Variants in KCNMA1 observed in about 807,000 individuals in gnomAD.
KCNMA1 encodes potassium calcium-activated channel subfamily M alpha 1.
A neutral mutation model predicts 140.0 loss-of-function variants in KCNMA1; 29 were observed. The observed-to-expected ratio is 0.21, with a 90% CI of 0.15 to 0.28. The LOEUF is 0.28. Ranked by LOEUF, KCNMA1 falls within the 10% of genes least tolerant of loss-of-function variation. KCNMA1 has a pLI of 1.00. For missense variants in KCNMA1, 880 were observed against 1,602.2 expected (o/e 0.55, Z 7.70); for synonymous variants, 612 against 611.9 (o/e 1.00, Z 0.00).
At chr10:77,106,415 C>T (rs10824490) in intron 9 of KCNMA1, among the ~76,000 whole-genome samples, 22,779 of 151,972 alleles carry the variant, frequency 0.15, 1,778 homozygotes, top group Middle Eastern at 0.19. Context: ...ATGACCGGAT[C>T]GGACTGGGGG....
At chr10:77,005,286 G>A (rs964015369) in intron 18 of KCNMA1, among the ~76,000 whole-genome samples, 1 of 152,198 alleles carries the variant, frequency 6.6e-6, no homozygotes, top group African/African-American at 2.4e-5. Flanking sequence ...CAGATGATTA[G>A]GGGTAGGGGC....
At chr10:76,891,787 T>C in intron 25 of KCNMA1, 68 bp from the exon 26 acceptor site, 1 of 1,322,394 alleles carries the variant, frequency 7.6e-7, no homozygotes, top group Non-Finnish European at 1.1e-6. Flanking sequence ...ACAGCCGACA[T>C]CCAAATTACA....
rs988230623 is a variant in KCNMA1, at chr10:77,637,539, C to T, written c.104G>A (p.Ser35Asn). 1 of 1,550,772 alleles carries T rather than the reference C, an allele frequency of 6.4e-7. No individual in the cohort carries two copies. The highest frequency in any genetic ancestry group is 2.4e-5 in the East Asian group (1 of 41,576). ...GGAGGAGGAGGAGGACGCGTCTAGG[C>T]TGAGATGGTTCGCGTGGATATTGCT... is the stretch of plus-strand genomic sequence containing the variant. ...MSSNIHANHL[S>N]LDASSSSSSS... is the part of the protein sequence containing the mutation. The change falls in exon 1 of 28, where the codon AGC becomes AAC. Residue 35 changes from serine (S) to asparagine (N), a missense_variant. This residue lies in a region of KCNMA1 where 94 missense variants were observed against 92.4 expected (regional missense o/e 1.02). Transcript: ENST00000286628.
chr10:77,399,293 G>A (rs1418857174), intron 2 of KCNMA1, among the ~76,000 whole-genome samples: 4 of 152,070 alleles, frequency 2.6e-5, no homozygotes, highest in African/African-American at 2.4e-5. Flanking sequence ...AAATCCTGAC[G>A]ACATTGACTG....
chr10:77,067,951 T>G (rs1160506665), intron 14 of KCNMA1, among the ~76,000 whole-genome samples: 1 of 152,196 alleles, frequency 6.6e-6, no homozygotes, highest in Admixed American at 6.5e-5. Context: ...TCACATAGAA[T>G]GAACTATAGA....
rs575024824 is a variant in KCNMA1 at position 76,877,761 on chromosome 10, C to T, written c.3557G>A (p.Arg1186Lys). Reference sequence around the variant, plus strand: ...GAGTCAACATTCATCTTCAACTTCTCTGATTGGTGGAATCAAGCTGCTTGT... The same window carrying T: ...GAGTCAACATTCATCTTCAACTTCTTTGATTGGTGGAATCAAGCTGCTTGT... The change falls in exon 30 of 30, where the codon AGA (arginine) becomes AAA (lysine). Residue 1186 changes from arginine (R) to lysine (K), a missense_variant. By Grantham distance (26) the Arg-to-Lys change is conservative. Coordinates refer to the KCNMA1 transcript ENST00000372403. 3.2e-6 allele frequency: 5 copies of T among 1,558,486 alleles called. No individual in the cohort carries two copies. In the South Asian group the frequency reaches 4.7e-5, roughly 15 times the overall value.
chr10:77,185,027 C>A, intron 3 of KCNMA1, 111 bp from the exon 4 acceptor site: 1 of 769,760 alleles, frequency 1.3e-6, no homozygotes, highest in Non-Finnish European at 2.3e-6. Context: ...AATGAATATT[C>A]ATAAAAGAAA....
intron 1 of KCNMA1, among the ~76,000 whole-genome samples, chr10:77,607,081 G>C (rs1053253129): frequency 1.3e-5 from 2 of 152,206 alleles, no homozygotes; most frequent in Non-Finnish European, 2.9e-5. Context: ...TACTCACAAG[G>C]ATTTATCAGA....
Position 77,420,084 on chromosome 10 carries a change from G to A in KCNMA1, c.379-16061C>T, listed in dbSNP as rs115896475. On this transcript the variant is annotated intron_variant, in intron 1 of 27. Transcript: ENST00000286628. ...AAGGGCCTGAAGTGAATTGGGGTAC[G>A]CAGGGCCCTGGCCATCAGTGAAAGA... is the stretch of plus-strand genomic sequence containing the variant. Among the ~76,000 whole-genome samples, 261 of 152,346 alleles carry A rather than the reference G, an allele frequency of 1.7e-3. 1 individual carries two copies. Among genetic ancestry groups the A allele is most frequent in the African/African-American group, 5.8e-3 (240 of 41,588 alleles).
At chr10:77,486,543 C>A (rs1172254723) in intron 1 of KCNMA1, among the ~76,000 whole-genome samples, 1 of 152,218 alleles carries the variant, frequency 6.6e-6, no homozygotes, top group African/African-American at 2.4e-5. Flanking sequence ...TTCTTAACCT[C>A]TCTTGACCCT....
intron 2 of KCNMA1, among the ~76,000 whole-genome samples, chr10:77,382,899 T>C (rs1220991219): frequency 2.6e-5 from 3 of 117,098 alleles, no homozygotes; most frequent in Non-Finnish European, 5.3e-5. Context: ...TATATATATA[T>C]ATATACACAC....
intron 6 of KCNMA1, among the ~76,000 whole-genome samples, chr10:77,117,446 G>A (rs1016278053): frequency 2.7e-5 from 4 of 150,388 alleles, no homozygotes; most frequent in Non-Finnish European, 5.9e-5. Flanking sequence ...CTACTCGGGA[G>A]GCTGAGGCAG....
intron 1 of KCNMA1, among the ~76,000 whole-genome samples, chr10:77,563,390 G>A (rs1291877745): frequency 1.3e-5 from 2 of 152,138 alleles, no homozygotes; most frequent in Non-Finnish European, 2.9e-5. Flanking sequence ...CCTTCTGGGT[G>A]ATAAGGCAAC....
At chr10:76,951,437 C>T (rs1416068630) in intron 21 of KCNMA1, among the ~76,000 whole-genome samples, 1 of 152,214 alleles carries the variant, frequency 6.6e-6, no homozygotes, top group Admixed American at 6.5e-5. Context: ...CACTTAAACA[C>T]ACCCTAGTCC....
intron 25 of KCNMA1, among the ~76,000 whole-genome samples, chr10:76,905,370 T>C (rs764444551): frequency 1.8e-4 from 27 of 152,308 alleles, no homozygotes; most frequent in Middle Eastern, 3.4e-3. Flanking sequence ...CCAGAAACAG[T>C]GGCATTAGGA....
chr10:76,960,932 C>A (rs1356788867), intron 20 of KCNMA1, among the ~76,000 whole-genome samples: 3 of 151,864 alleles, frequency 2.0e-5, no homozygotes, highest in African/African-American at 7.3e-5. Context: ...TGATAACGCA[C>A]CCAATTATTC....
intron 3 of KCNMA1, among the ~76,000 whole-genome samples, chr10:77,235,284 G>T (rs2055028030): frequency 1.3e-5 from 2 of 152,184 alleles, no homozygotes; most frequent in Admixed American, 1.3e-4. Flanking sequence ...GGGCAGCATG[G>T]CTGGATGACA....
intron 1 of KCNMA1, among the ~76,000 whole-genome samples, chr10:77,424,635 G>C (rs771626918): frequency 6.6e-6 from 1 of 152,116 alleles, no homozygotes; most frequent in African/African-American, 2.4e-5. Flanking sequence ...GATCTCTCAG[G>C]GGAAACAGAC....
At chr10:77,456,331 C>T (rs1421753811) in intron 1 of KCNMA1, among the ~76,000 whole-genome samples, 2 of 152,204 alleles carry the variant, frequency 1.3e-5, no homozygotes, top group Non-Finnish European at 2.9e-5. Context: ...CTCATGTCAG[C>T]TTGCACAGGA....
Sources: allele counts gnomAD v4.1 joint callset (sites outside exome capture counted in the v4.1 genomes callset), GRCh38; gene constraint gnomAD v4.1.1; regional missense constraint gnomAD v4.1.1; transcripts MANE v1.5; gene names NCBI Gene and HGNC (gene_info 2026-07-23, HGNC 2026-07-21).